COL5A2: variants seen among roughly 807,000 people sequenced by gnomAD.
COL5A2 encodes the protein collagen alpha-2(V) chain.
COL5A2 carries 23 observed loss-of-function variants against 208.2 expected under a neutral mutation model. The observed-to-expected ratio is 0.11, with a 90% CI of 0.08 to 0.16. The LOEUF (loss-of-function observed/expected upper bound fraction) is 0.16. Among genes scored for constraint, COL5A2 ranks in the 10% least tolerant of loss-of-function variants. The pLI is 1.00. For missense variants in COL5A2, 1,590 were observed against 1,956.4 expected (o/e 0.81, Z 3.53); for synonymous variants, 625 against 628.5 (o/e 0.99, Z 0.08).
At chr2:189,211,665 C>A (rs1324834575) in intron 1 of COL5A2, among the ~76,000 whole-genome samples, 1 of 151,764 alleles carries the variant, frequency 6.6e-6, no homozygotes, top group African/African-American at 2.4e-5. Flanking sequence ...GTAACAAAAA[C>A]TAAAAAACAA....
chr2:189,229,419 C>T (rs1164681725), upstream of COL5A2, among the ~76,000 whole-genome samples: 1 of 127,636 alleles, frequency 7.8e-6, no homozygotes, highest in Non-Finnish European at 1.6e-5. Flanking sequence ...GAAGATTGCA[C>T]ACACACATAC....
intron 1 of COL5A2, among the ~76,000 whole-genome samples, chr2:189,159,863 G>A (rs1377099404): frequency 6.6e-6 from 1 of 151,986 alleles, no homozygotes; most frequent in Non-Finnish European, 1.5e-5. Context: ...CTGGGTGGCA[G>A]AGCGGGACCC....
intron 1 of COL5A2, among the ~76,000 whole-genome samples, chr2:189,147,747 C>T (rs1473895991): frequency 1.3e-5 from 2 of 152,114 alleles, no homozygotes. Context: ...AGAGAATGTT[C>T]TGGGCTTACA....
chr2:189,162,495 TGAAGATA>T (rs1176398449), intron 1 of COL5A2, among the ~76,000 whole-genome samples: 9 of 152,204 alleles, frequency 5.9e-5, no homozygotes, highest in Non-Finnish European at 1.0e-4. Flanking sequence ...TAATGACTTC[TGAAGATA>T]GAATGGGATT....
the COL5A2 span, among the ~76,000 whole-genome samples, chr2:189,356,915 C>T: frequency 6.6e-6 from 1 of 152,014 alleles, no homozygotes; most frequent in Non-Finnish European, 1.5e-5. Context: ...TCAGATGGGG[C>T]CTCTGAGTGG....
At chr2:189,102,623 T>G (rs1003396048) in intron 3 of COL5A2, among the ~76,000 whole-genome samples, 1 of 152,106 alleles carries the variant, frequency 6.6e-6, no homozygotes, top group Non-Finnish European at 1.5e-5. Context: ...TAATACCATG[T>G]GGACATGCTT....
the COL5A2 span, among the ~76,000 whole-genome samples, chr2:189,278,492 C>T: frequency 6.6e-6 from 1 of 152,012 alleles, no homozygotes; most frequent in African/African-American, 2.4e-5. Flanking sequence ...AATTAAACAT[C>T]ATAAGTCATA....
At chr2:189,049,254 T>G (rs1481579311) in intron 44 of COL5A2, 93 bp downstream of exon 44, 2 of 860,590 alleles carry the variant, frequency 2.3e-6, no homozygotes, top group East Asian at 5.3e-5. Flanking sequence ...AGGTCAAATA[T>G]GCAATAAAAT....
intron 1 of COL5A2, among the ~76,000 whole-genome samples, chr2:189,202,188 G>C (rs921824520): frequency 4.0e-5 from 6 of 151,876 alleles, no homozygotes; most frequent in Admixed American, 3.9e-4. Flanking sequence ...GCAGTGGGGG[G>C]AGAATACAAT....
At chr2:189,257,296 C>T in the COL5A2 span, among the ~76,000 whole-genome samples, 1 of 152,156 alleles carries the variant, frequency 6.6e-6, no homozygotes, top group East Asian at 1.9e-4. Flanking sequence ...CTAATCTTGG[C>T]ACACTGTGAA....
chr2:189,171,316 T>G (rs1688569391), intron 1 of COL5A2, among the ~76,000 whole-genome samples: 1 of 152,112 alleles, frequency 6.6e-6, no homozygotes, highest in African/African-American at 2.4e-5. Flanking sequence ...GGAAGGTAAA[T>G]ACAAAATTAG....
At chr2:189,221,240 C>A (rs1689344859) in intron 1 of COL5A2, among the ~76,000 whole-genome samples, 1 of 152,128 alleles carries the variant, frequency 6.6e-6, no homozygotes, top group African/African-American at 2.4e-5. Context: ...ACGGCATAAA[C>A]CAGTTTGAAG....
chr2:189,064,798 C>A, intron 24 of COL5A2, 143 bp from the exon 25 acceptor site: 1 of 832,362 alleles, frequency 1.2e-6, no homozygotes, highest in Non-Finnish European at 2.0e-6. Context: ...AATTTTGTCA[C>A]CACATTCCGC....
the COL5A2 span, among the ~76,000 whole-genome samples, chr2:189,312,525 G>T: frequency 1.3e-5 from 2 of 152,186 alleles, no homozygotes; most frequent in Non-Finnish European, 2.9e-5. Flanking sequence ...GGAGCGAGTG[G>T]TGAAGCTCAT....
chr2:189,320,370 G>A, the COL5A2 span, among the ~76,000 whole-genome samples: 1 of 152,190 alleles, frequency 6.6e-6, no homozygotes, highest in African/African-American at 2.4e-5. Context: ...ACGTCTCCGA[G>A]CTAAAGGGGG....
intron 17 of COL5A2, among the ~76,000 whole-genome samples, chr2:189,074,442 A>C (rs925992088): frequency 6.6e-6 from 1 of 152,122 alleles, no homozygotes; most frequent in Non-Finnish European, 1.5e-5. Context: ...AAAAAAGCAC[A>C]ATGTACAAAA....
chr2:189,077,950 C>A (rs777791915), intron 16 of COL5A2, among the ~76,000 whole-genome samples: 1 of 152,042 alleles, frequency 6.6e-6, no homozygotes, highest in African/African-American at 2.4e-5. Context: ...CAGAGAATTG[C>A]GAAAAGAATA....
At chr2:189,387,776 CA>C in the COL5A2 span, among the ~76,000 whole-genome samples, 1 of 152,240 alleles carries the variant, frequency 6.6e-6, no homozygotes, top group East Asian at 1.9e-4. Context: ...ACTGCAGCTT[CA>C]AACTAGAGGG....
At chr2:189,354,730 A>G in the COL5A2 span, among the ~76,000 whole-genome samples, 9 of 151,338 alleles carry the variant, frequency 5.9e-5, no homozygotes, top group Non-Finnish European at 5.9e-5. Flanking sequence ...CAAAAAACCA[A>G]CTCCTGTATT....
Sources: gnomAD v4.1 joint callset for allele counts (sites outside exome capture counted in the v4.1 genomes callset) on GRCh38, gnomAD v4.1.1 for gene constraint, MANE v1.5 for transcripts, NCBI Gene and HGNC (gene_info 2026-07-23, HGNC 2026-07-21) for gene names.